The following SNX9 variants were observed in gnomAD, a reference collection of about 807,000 sequenced individuals.
SNX9 encodes sorting nexin-9.
Under a neutral mutation model 89.4 loss-of-function variants are expected in SNX9, and 44 were observed. That is an observed-to-expected ratio of 0.49 (90% CI 0.39 to 0.63). The LOEUF (loss-of-function observed/expected upper bound fraction) is 0.63. Among genes scored for constraint, SNX9 ranks in the 30% least tolerant of loss-of-function variants. SNX9 has a pLI of 0.00. For missense variants in SNX9, 578 were observed against 736.1 expected (o/e 0.79, Z 2.49); for synonymous variants, 236 against 247.8 (o/e 0.95, Z 0.45).
chr6:157,905,302 C>T (rs183437009), intron 6 of SNX9, among the ~76,000 whole-genome samples: 18 of 152,290 alleles, frequency 1.2e-4, no homozygotes, highest in South Asian at 4.1e-4. Context: ...AGAAGCAATG[C>T]GACTGGAACT....
intron 12 of SNX9, among the ~76,000 whole-genome samples, chr6:157,929,407 C>G (rs550569934): frequency 1.4e-4 from 22 of 152,314 alleles, no homozygotes; most frequent in Non-Finnish European, 2.9e-4. Flanking sequence ...CTTGTCAGGC[C>G]CTGAAATGCT....
At chr6:157,854,448 A>G (rs1231416921) in intron 1 of SNX9, among the ~76,000 whole-genome samples, 1 of 152,246 alleles carries the variant, frequency 6.6e-6, no homozygotes, top group Non-Finnish European at 1.5e-5. Flanking sequence ...AATGAAATGT[A>G]GAAGAGCACA....
chr6:157,845,240 C>G (rs1400444725), intron 1 of SNX9, among the ~76,000 whole-genome samples: 1 of 151,900 alleles, frequency 6.6e-6, no homozygotes, highest in Non-Finnish European at 1.5e-5. Flanking sequence ...TTCCGAATAG[C>G]TGGGCTTACA....
chr6:157,907,153 T>C (rs1047553912), intron 7 of SNX9, among the ~76,000 whole-genome samples: 14 of 152,240 alleles, frequency 9.2e-5, no homozygotes, highest in African/African-American at 3.4e-4. Context: ...TGAGTAGTTA[T>C]ATTAAAGATT....
intron 1 of SNX9, among the ~76,000 whole-genome samples, chr6:157,866,830 C>T (rs1782272996): frequency 6.6e-6 from 1 of 152,172 alleles, no homozygotes; most frequent in Non-Finnish European, 1.5e-5. Context: ...GTGTGTATGT[C>T]TCTGTCTTCA....
At chr6:157,905,849 G>A (rs1484437497) in intron 6 of SNX9, among the ~76,000 whole-genome samples, 1 of 152,142 alleles carries the variant, frequency 6.6e-6, no homozygotes, top group Non-Finnish European at 1.5e-5. Flanking sequence ...CTTCACTCTG[G>A]GGTGACCGAA....
At chr6:157,932,105 C>T in intron 12 of SNX9, 90 bp from the exon 13 acceptor site, 2 of 1,145,310 alleles carry the variant, frequency 1.7e-6, no homozygotes, top group Non-Finnish European at 2.6e-6. Context: ...TGAATCACTT[C>T]AAAAGTTACT....
intron 4 of SNX9, among the ~76,000 whole-genome samples, chr6:157,884,157 G>T (rs551226228): frequency 1.3e-5 from 2 of 152,306 alleles, no homozygotes; most frequent in Non-Finnish European, 1.5e-5. Context: ...AAAATGGGAA[G>T]ATTCTCTTAC....
rs777198032 is a variant in SNX9, at chr6:157,938,690, C to G, written c.1591C>G (p.Leu531Val). 6.8e-6 allele frequency: 11 copies of G among 1,613,890 alleles called. No homozygotes were observed. Among genetic ancestry groups the G allele is most frequent in the African/African-American group, 1.3e-5 (1 of 74,916 alleles). Residue 531 changes from leucine (L) to valine (V), a missense_variant, in exon 16 of 18, where the codon CTA (leucine) becomes GTA (valine). Coordinates refer to ENST00000392185, the MANE Select transcript of SNX9 (RefSeq NM_016224.5). ...DKLVATSKIT[L>V]QDKQNMVKRV... is the part of the protein sequence containing the mutation. The stretch of plus-strand genomic sequence containing the variant: ...ACTAGTTGCAACAAGTAAAATCACC[C>G]TACAAGACAAACAGAACATGGTGAA...
intron 1 of SNX9, among the ~76,000 whole-genome samples, chr6:157,826,886 A>ATATATATTATAGTTTATATAATATATAC (rs1781365870): frequency 2.0e-5 from 2 of 101,640 alleles, no homozygotes; most frequent in Non-Finnish European, 3.6e-5. Flanking sequence ...ATAATATATA[A>ATATATATTATAGTTTATATAATATATAC]ATATATATTA....
At chr6:157,916,632 T>A (rs774599219) in intron 9 of SNX9, among the ~76,000 whole-genome samples, 1 of 152,228 alleles carries the variant, frequency 6.6e-6, no homozygotes, top group Non-Finnish European at 1.5e-5. Context: ...AAGTTTTTGT[T>A]CATGAATAGA....
At chr6:157,841,989 C>G (rs1781713368) in intron 1 of SNX9, among the ~76,000 whole-genome samples, 1 of 152,164 alleles carries the variant, frequency 6.6e-6, no homozygotes, top group Non-Finnish European at 1.5e-5. Flanking sequence ...CCTCCCCTCC[C>G]CTATTTTCCC....
chr6:157,883,901 T>A (rs1410297364), intron 4 of SNX9, among the ~76,000 whole-genome samples: 1 of 152,236 alleles, frequency 6.6e-6, no homozygotes, highest in African/African-American at 2.4e-5. Context: ...AAGCAAAGAA[T>A]TTATCTTTTT....
intron 9 of SNX9, among the ~76,000 whole-genome samples, chr6:157,915,822 C>CAAAAAAAAAAAAAAAAAAAAAAAAA (rs570701086): frequency 1.1e-5 from 1 of 89,376 alleles, no homozygotes; most frequent in African/African-American, 4.0e-5. Flanking sequence ...TAGACTCTGT[C>CAAAAAAAAAAAAAAAAAAAAAAAAA]AAAAAAAAAA....
chr6:157,897,607 A>T (rs1432680215), intron 5 of SNX9, among the ~76,000 whole-genome samples: 1 of 152,138 alleles, frequency 6.6e-6, no homozygotes, highest in Non-Finnish European at 1.5e-5. Context: ...TCCCAGGTTC[A>T]AGTGATTCTC....
At chr6:157,833,264 T>C (rs986072891) in intron 1 of SNX9, among the ~76,000 whole-genome samples, 1 of 152,192 alleles carries the variant, frequency 6.6e-6, no homozygotes, top group Non-Finnish European at 1.5e-5. Context: ...TAATGAATAT[T>C]TGCTGCTTTT....
intron 1 of SNX9, among the ~76,000 whole-genome samples, chr6:157,830,958 A>G (rs1781468230): frequency 6.6e-6 from 1 of 152,198 alleles, no homozygotes; most frequent in African/African-American, 2.4e-5. Context: ...TTCCTCAGTC[A>G]GGCCAAATCT....
chr6:157,904,120 T>A (rs1783161692), intron 6 of SNX9, among the ~76,000 whole-genome samples: 1 of 152,172 alleles, frequency 6.6e-6, no homozygotes, highest in Non-Finnish European at 1.5e-5. Flanking sequence ...GATCTGAAAT[T>A]AAATATACTT....
intron 1 of SNX9, among the ~76,000 whole-genome samples, chr6:157,867,292 T>A (rs1782283786): frequency 6.6e-6 from 1 of 152,092 alleles, no homozygotes. Flanking sequence ...TTAGGGTTGA[T>A]CTCTAAATGC....
Sources: gnomAD v4.1 joint callset for allele counts (sites outside exome capture counted in the v4.1 genomes callset) on GRCh38, gnomAD v4.1.1 for gene constraint, MANE v1.5 for transcripts, NCBI Gene and HGNC (gene_info 2026-07-23, HGNC 2026-07-21) for gene names.